Variants in MYO18B observed in about 807,000 individuals in gnomAD.
The protein encoded by MYO18B is myosin XVIIIB, also known as unconventional myosin-XVIIIb.
In MYO18B, 204 loss-of-function variants were observed where a neutral mutation model predicts 273.0. The observed-to-expected ratio is 0.75, with a 90% CI of 0.67 to 0.84. MYO18B has a LOEUF of 0.84. Ranked by LOEUF, MYO18B falls within the 40% of genes least tolerant of loss-of-function variation. The pLI, the probability that MYO18B is intolerant of heterozygous loss-of-function variation, is 0.00. For missense variants in MYO18B, 3,212 were observed against 3,287.6 expected (o/e 0.98, Z 0.56); for synonymous variants, 1,330 against 1,305.7 (o/e 1.02, Z -0.40).
intron 40 of MYO18B, among the ~76,000 whole-genome samples, chr22:25,993,692 C>T (rs746671479): frequency 2.6e-5 from 4 of 152,124 alleles, no homozygotes; most frequent in African/African-American, 4.8e-5. Context: ...CTCTTAAGGG[C>T]TGGAGGCAGG....
chr22:25,902,163 A>G (rs976645477), intron 29 of MYO18B, among the ~76,000 whole-genome samples: 2 of 151,856 alleles, frequency 1.3e-5, no homozygotes, highest in African/African-American at 2.4e-5. Flanking sequence ...CCTTTATTCT[A>G]TATCTGTATA....
chr22:25,991,070 T>G (rs1332662093), intron 39 of MYO18B, among the ~76,000 whole-genome samples: 1 of 152,190 alleles, frequency 6.6e-6, no homozygotes, highest in Admixed American at 6.5e-5. Context: ...CACTCCACGC[T>G]GCCACAATTC....
chr22:25,861,384 A>G (rs971497557), intron 21 of MYO18B, among the ~76,000 whole-genome samples: 7 of 152,200 alleles, frequency 4.6e-5, no homozygotes, highest in African/African-American at 1.4e-4. Flanking sequence ...TTGCTATAAA[A>G]TGTCTCCCTT....
At chr22:25,823,884 T>C (rs955279213) in intron 13 of MYO18B, among the ~76,000 whole-genome samples, 82 of 152,196 alleles carry the variant, frequency 5.4e-4, no homozygotes, top group African/African-American at 1.9e-3. Flanking sequence ...TCAGTGGCCA[T>C]GAAGGCTGCT....
chr22:25,931,414 T>C (rs1439125862), intron 34 of MYO18B, among the ~76,000 whole-genome samples: 3 of 152,240 alleles, frequency 2.0e-5, no homozygotes, highest in Non-Finnish European at 4.4e-5. Flanking sequence ...AGCAACGATA[T>C]TGACGGGGAA....
Position 26,027,969 on chromosome 22 carries a change from C to T in MYO18B, c.*12+279C>T, listed in dbSNP as rs779037642. Among the ~76,000 whole-genome samples the T allele has an allele frequency of 2.6e-5, 4 of 152,052 alleles. No homozygotes were observed. Among genetic ancestry groups the T allele is most frequent in the African/African-American group, 7.2e-5 (3 of 41,458 alleles). ...AAAGAAGGTGCCAGATGTAGCCGGG[C>T]GCGGTGGCTCACGCCTGTAATCCCA... On this transcript the variant is annotated intron_variant, in intron 43 of 43. Coordinates refer to ENST00000335473, the MANE Select transcript of MYO18B (RefSeq NM_032608.7). This position sits in a 1 kb window ranked among gnomAD's most constrained non-coding sequence, Gnocchi z 4.1.
intron 40 of MYO18B, among the ~76,000 whole-genome samples, chr22:26,000,670 C>T (rs763695581): frequency 7.3e-5 from 11 of 150,382 alleles, no homozygotes; most frequent in Admixed American, 3.3e-4. Flanking sequence ...AGCATTTGTT[C>T]GTACAATAAA....
At chr22:25,872,403 C>T (rs910968147) in intron 22 of MYO18B, among the ~76,000 whole-genome samples, 3 of 152,216 alleles carry the variant, frequency 2.0e-5, no homozygotes, top group Non-Finnish European at 4.4e-5. Context: ...GGAAATAAAC[C>T]TGAAGTTCTG....
At chr22:25,869,381 C>T (rs1012317787) in intron 22 of MYO18B, among the ~76,000 whole-genome samples, 2 of 134,222 alleles carry the variant, frequency 1.5e-5, no homozygotes, top group Admixed American at 8.6e-5. Context: ...ACCCGGGAGG[C>T]GAAGGTTGCG....
intron 2 of MYO18B, among the ~76,000 whole-genome samples, chr22:25,761,358 C>G (rs1259840933): frequency 2.6e-5 from 4 of 151,622 alleles, no homozygotes; most frequent in Admixed American, 6.6e-5. Context: ...CCGAGGGCTG[C>G]CTGGTTGTTT....
At chr22:26,031,047 G>T (rs867475573), downstream of MYO18B, 1 of 397,444 alleles carries the variant, frequency 2.5e-6, no homozygotes, top group Admixed American at 4.4e-5. Flanking sequence ...CACCCTGAAC[G>T]CATGCGACAC....
At chr22:25,894,782 C>A in intron 27 of MYO18B, 1 of 162,064 alleles carries the variant, frequency 6.2e-6, no homozygotes, top group Non-Finnish European at 1.4e-5. Flanking sequence ...GGGAACTCTT[C>A]CAGAGGGTGT....
Position 25,874,301 on chromosome 22 carries a change from G to A in MYO18B, c.3967G>A (p.Gly1323Ser), listed in dbSNP as rs2091131659. ...CTCTCCCCAGGTTTTTCTCAAGGCAGGTGTGATCTCCAGGCTTGAGAAGCA... is the reference window on the plus strand; with the variant it reads ...CTCTCCCCAGGTTTTTCTCAAGGCAAGTGTGATCTCCAGGCTTGAGAAGCA... ...VGHSQVFLKA[G>S]VISRLEKQRE... The change falls in exon 23 of 44, where the codon GGT (glycine) becomes AGT (serine). Residue 1323 changes from glycine to serine, a missense_variant. Transcript: ENST00000335473. The A allele has an allele frequency of 6.2e-7, 1 of 1,613,842 alleles. No individual in the cohort carries two copies. The highest frequency in any genetic ancestry group is 1.3e-5 in the African/African-American group (1 of 74,918).
At chr22:25,920,800 A>G (rs893410751) in intron 33 of MYO18B, among the ~76,000 whole-genome samples, 3 of 152,208 alleles carry the variant, frequency 2.0e-5, no homozygotes, top group African/African-American at 7.2e-5. Flanking sequence ...AGAAGTCCAG[A>G]GGCTCTGTCC....
intron 40 of MYO18B, among the ~76,000 whole-genome samples, chr22:25,997,338 A>G (rs931562368): frequency 1.3e-5 from 2 of 150,584 alleles, no homozygotes; most frequent in African/African-American, 2.4e-5. Flanking sequence ...AAACGAAGGA[A>G]AAAAGAAAGT....
At chr22:25,899,359 T>C (rs570521927) in intron 29 of MYO18B, 16 of 152,322 alleles carry the variant, frequency 1.1e-4, no homozygotes, top group African/African-American at 3.9e-4. Context: ...GGAGATGTCA[T>C]ACTAGGCAAA....
chr22:25,782,101 A>C (rs1217277360), intron 10 of MYO18B, among the ~76,000 whole-genome samples: 2 of 152,198 alleles, frequency 1.3e-5, no homozygotes, highest in Non-Finnish European at 2.9e-5. Context: ...TAAGAGAGAT[A>C]ATTTACATTC....
intron 18 of MYO18B, among the ~76,000 whole-genome samples, chr22:25,844,821 C>T (rs530038113): frequency 6.6e-5 from 10 of 152,298 alleles, no homozygotes; most frequent in South Asian, 4.1e-4. Flanking sequence ...ACAGGAGTTG[C>T]GAGCACACAG....
At position 25,772,342 on chromosome 22, in the gene MYO18B, T is replaced by C. The variant is rs377682387; in HGVS notation, c.1701T>C (p.Pro567=). 2.4e-5 allele frequency: 39 copies of C among 1,613,608 alleles called. No individual in the cohort carries two copies. Among genetic ancestry groups the C allele is most frequent in the Non-Finnish European group, 3.2e-5 (38 of 1,179,750 alleles). The stretch of plus-strand genomic sequence containing the variant: ...GTGTGATGGTTTCACAGGCCAACCC[T>C]CCTGAGCTGGACCAGGTCGAGGACC... The part of the protein sequence containing the change: ...VDEEHVHRAN[P]PELDQVEDLA... Residue 567 remains proline (P), a synonymous_variant, in exon 7 of 44, where the codon CCT becomes CCC. Coordinates refer to ENST00000335473, the MANE Select transcript of MYO18B (RefSeq NM_032608.7).
Sources: allele counts gnomAD v4.1 joint callset (sites outside exome capture counted in the v4.1 genomes callset), GRCh38; gene constraint gnomAD v4.1.1; non-coding constraint Gnocchi (gnomAD v3.1); transcripts MANE v1.5; gene names NCBI Gene and HGNC (gene_info 2026-07-23, HGNC 2026-07-21).